Variants in ADAMTS17 observed in about 807,000 individuals in gnomAD.
ADAMTS17 encodes ADAM metallopeptidase with thrombospondin type 1 motif 17, also known as A disintegrin and metalloproteinase with thrombospondin motifs 17.
ADAMTS17 carries 113 observed loss-of-function variants against 141.5 expected under a neutral mutation model. The observed-to-expected ratio is 0.80, with a 90% CI of 0.69 to 0.93. The LOEUF (loss-of-function observed/expected upper bound fraction) is 0.93. Among genes scored for constraint, ADAMTS17 ranks in the 40% least tolerant of loss-of-function variants. The probability of loss-of-function intolerance (pLI) is 0.00; values close to 1 mark genes in which losing one functional copy is unlikely to be tolerated. For missense variants in ADAMTS17, 1,659 were observed against 1,517.9 expected (o/e 1.09, Z -1.54); for synonymous variants, 768 against 630.6 (o/e 1.22, Z -3.27).
chr15:100,222,381 T>G (rs1428607704), intron 7 of ADAMTS17, among the ~76,000 whole-genome samples: 1 of 152,188 alleles, frequency 6.6e-6, no homozygotes, highest in Non-Finnish European at 1.5e-5. Context: ...ACAGCACGTC[T>G]GAACAGAAAG....
intron 3 of ADAMTS17, among the ~76,000 whole-genome samples, chr15:100,302,935 C>T (rs966976170): frequency 6.6e-6 from 1 of 152,064 alleles, no homozygotes; most frequent in Non-Finnish European, 1.5e-5. Context: ...GCCTCCCAGC[C>T]TACATTTTTT....
chr15:100,339,072 C>T, intron 2 of ADAMTS17: 2 of 985,514 alleles, frequency 2.0e-6, no homozygotes, highest in South Asian at 4.7e-5. Flanking sequence ...GAAGTGTCTG[C>T]TCCGGCAGGA....
intron 7 of ADAMTS17, among the ~76,000 whole-genome samples, chr15:100,249,590 C>T (rs1317007170): frequency 1.3e-5 from 2 of 152,150 alleles, no homozygotes; most frequent in Non-Finnish European, 2.9e-5. Flanking sequence ...TATGTGATGT[C>T]AGTGGCCTCC....
intron 18 of ADAMTS17, among the ~76,000 whole-genome samples, chr15:100,014,740 C>A (rs1213588981): frequency 6.6e-6 from 1 of 152,140 alleles, no homozygotes; most frequent in Non-Finnish European, 1.5e-5. Context: ...GATATAATTT[C>A]AATTTTCTTA....
At position 100,341,154 on chromosome 15, in the gene ADAMTS17, G is replaced by A; in HGVS notation, c.335C>T (p.Ala112Val). 1.4e-6 allele frequency: 2 copies of A among 1,447,492 alleles called. No individual in the cohort carries two copies. The highest frequency in any genetic ancestry group is 1.8e-6 in the Non-Finnish European group (2 of 1,105,702). The allele number at this position is 1,447,492 out of a possible 1,614,324, so 89.7% of individuals were successfully genotyped here. A position where few individuals can be genotyped will look rare whatever the true frequency, so the allele number is the denominator to read the frequency against. ...GCGGCCGCGGCGCCGGGCCGCGCCC[G>A]CCTCCTCCACCTCGAAGCCTCGGGA... ...FLSRGFEVEE[A>V]GAARRRGRPA... Residue 112 changes from alanine (A) to valine (V), a missense_variant, in exon 2 of 22, where the codon GCG becomes GTG. Transcript: ENST00000268070.
chr15:100,331,747 T>A (rs772298846), intron 2 of ADAMTS17, among the ~76,000 whole-genome samples: 12 of 152,028 alleles, frequency 7.9e-5, no homozygotes, highest in Non-Finnish European at 1.5e-4. Flanking sequence ...TCCTTTCTTG[T>A]CTCCCTCTTC....
intron 20 of ADAMTS17, among the ~76,000 whole-genome samples, chr15:99,990,458 GT>G (rs11309975): frequency 0.023 from 3,551 of 152,218 alleles, 144 homozygotes; most frequent in African/African-American, 0.08. Context: ...TCCCTGTTTG[GT>G]TTTGGGGAAA....
intron 8 of ADAMTS17, among the ~76,000 whole-genome samples, chr15:100,162,953 T>C (rs1365606458): frequency 1.4e-5 from 2 of 143,666 alleles, no homozygotes; most frequent in Non-Finnish European, 3.0e-5. Flanking sequence ...TTTGTGTATA[T>C]ATATAACTAT....
intron 7 of ADAMTS17, among the ~76,000 whole-genome samples, chr15:100,249,565 CT>C (rs1424787055): frequency 6.6e-6 from 1 of 152,182 alleles, no homozygotes; most frequent in African/African-American, 2.4e-5. Context: ...CCAGACAGGC[CT>C]TGCCACTAAC....
At chr15:100,268,234 T>C (rs1265507401) in intron 4 of ADAMTS17, among the ~76,000 whole-genome samples, 3 of 152,214 alleles carry the variant, frequency 2.0e-5, no homozygotes, top group African/African-American at 7.2e-5. Context: ...ATGTCTTTGC[T>C]ATTGTGAACG....
At chr15:100,217,109 A>T (rs1326951964) in intron 7 of ADAMTS17, among the ~76,000 whole-genome samples, 1 of 126,552 alleles carries the variant, frequency 7.9e-6, no homozygotes. Context: ...CATCTTTCTG[A>T]TAGGAAAAAT....
chr15:100,012,148 G>A (rs1262503033), intron 18 of ADAMTS17, among the ~76,000 whole-genome samples: 1 of 152,176 alleles, frequency 6.6e-6, no homozygotes, highest in Non-Finnish European at 1.5e-5. Context: ...CATTAGTGAT[G>A]CTGAGCATTG....
At chr15:100,109,676 C>T (rs1053904389) in intron 13 of ADAMTS17, among the ~76,000 whole-genome samples, 1 of 152,038 alleles carries the variant, frequency 6.6e-6, no homozygotes, top group Admixed American at 6.5e-5. Context: ...ACATGTGCGC[C>T]GCTAGGACAA....
At chr15:100,242,776 A>C (rs147727610) in intron 7 of ADAMTS17, among the ~76,000 whole-genome samples, 129 of 152,346 alleles carry the variant, frequency 8.5e-4, no homozygotes, top group African/African-American at 3.0e-3. Context: ...TAAAATTCAC[A>C]ACACTGCTCC....
chr15:100,073,603 G>T (rs1170863185), intron 15 of ADAMTS17, among the ~76,000 whole-genome samples: 1 of 152,016 alleles, frequency 6.6e-6, no homozygotes, highest in East Asian at 1.9e-4. Context: ...ATGAGTTCAT[G>T]TCCTTTGTAG....
At chr15:100,252,518 C>T (rs1229224232) in intron 7 of ADAMTS17, among the ~76,000 whole-genome samples, 1 of 152,146 alleles carries the variant, frequency 6.6e-6, no homozygotes, top group East Asian at 1.9e-4. Context: ...CAGAGGCGCC[C>T]CGGACATGGG....
chr15:100,272,962 T>C (rs2043965629), intron 4 of ADAMTS17, among the ~76,000 whole-genome samples: 2 of 152,136 alleles, frequency 1.3e-5, no homozygotes, highest in Non-Finnish European at 2.9e-5. Flanking sequence ...CATTTTCTCT[T>C]TTCATTTTGT....
intron 18 of ADAMTS17, among the ~76,000 whole-genome samples, chr15:100,042,873 A>G (rs1476220125): frequency 6.6e-6 from 1 of 152,244 alleles, no homozygotes; most frequent in Non-Finnish European, 1.5e-5. Flanking sequence ...ATGGTTGACC[A>G]CGGGTAACTG....
chr15:100,019,876 T>C (rs1279165408), intron 18 of ADAMTS17, among the ~76,000 whole-genome samples: 3 of 152,198 alleles, frequency 2.0e-5, no homozygotes, highest in African/African-American at 7.2e-5. Context: ...TTGGAGATGA[T>C]TCTGCACCAC....
Sources: gnomAD v4.1 joint callset for allele counts (sites outside exome capture counted in the v4.1 genomes callset) on GRCh38, gnomAD v4.1.1 for gene constraint, MANE v1.5 for transcripts, NCBI Gene and HGNC (gene_info 2026-07-23, HGNC 2026-07-21) for gene names.